Variants in NUCB2 observed in about 807,000 individuals in gnomAD.
NUCB2 encodes the protein nucleobindin-2.
NUCB2 carries 48 observed loss-of-function variants against 57.9 expected under a neutral mutation model. That is an observed-to-expected ratio of 0.83 (90% CI 0.66 to 1.05). NUCB2 has a LOEUF of 1.05. NUCB2 is among the 50% of genes least tolerant of loss of function. NUCB2 has a pLI of 0.00. For synonymous variants in NUCB2, 139 were observed against 152.1 expected (o/e 0.91, Z 0.64); for missense variants, 442 against 476.2 (o/e 0.93, Z 0.67).
chr11:17,291,664 C>T lies in NUCB2; in HGVS notation c.1-3660C>T. Among the ~76,000 whole-genome samples the T allele has an allele frequency of 1.3e-5, 2 of 150,532 alleles. 1 individual carries two copies. Among genetic ancestry groups the T allele is most frequent in the Non-Finnish European group, 2.9e-5 (2 of 67,810 alleles). ...TTCTTGCAAAAGTTAAAAATAAATC[C>T]AGCTTGAATGAAATGTAAGTCTGAC... On this transcript the variant is annotated intron_variant, in intron 2 of 13. Coordinates refer to ENST00000529010, the MANE Select transcript of NUCB2 (RefSeq NM_005013.4).
At chr11:17,343,958 AT>A (rs770313241) in intron 2 of NUCB2, among the ~76,000 whole-genome samples, 114 of 152,158 alleles carry the variant, frequency 7.5e-4, no homozygotes, top group Non-Finnish European at 1.3e-3. Context: ...TTCAAGGTTG[AT>A]TTTTTGGGGA....
chr11:17,348,382 T>C (rs1952942366), intron 2 of NUCB2, among the ~76,000 whole-genome samples: 1 of 132,546 alleles, frequency 7.5e-6, no homozygotes, highest in Admixed American at 8.8e-5. Flanking sequence ...TCACCCAGGC[T>C]GGAGTGCAGT....
intron 5 of NUCB2, among the ~76,000 whole-genome samples, chr11:17,304,585 T>A (rs1410359585): frequency 6.6e-6 from 1 of 152,204 alleles, no homozygotes; most frequent in East Asian, 1.9e-4. Flanking sequence ...GATGATATGA[T>A]GTTTATATAT....
At chr11:17,334,927 A>T (rs1354292486), downstream of NUCB2, among the ~76,000 whole-genome samples, 1 of 151,462 alleles carries the variant, frequency 6.6e-6, no homozygotes, top group Non-Finnish European at 1.5e-5. Context: ...TCACAAGTTT[A>T]CATTGTTTCA....
At position 17,303,480 on chromosome 11, in the gene NUCB2, CA is replaced by C. The variant is rs577383062; in HGVS notation, c.379+1613del. Reference sequence around the variant, plus strand: ...ATGTATCAAAAAAAAGTCATAAAGTCAAAGGACAAATGATAAATTGGAATAA... The same window carrying C: ...ATGTATCAAAAAAAAGTCATAAAGTCAAGGACAAATGATAAATTGGAATAA... On this transcript the variant is annotated intron_variant, in intron 5 of 13. Coordinates refer to ENST00000529010, the MANE Select transcript of NUCB2 (RefSeq NM_005013.4). 1.9e-3 allele frequency among the ~76,000 whole-genome samples: 294 copies of C among 152,078 alleles called. 1 individual carries two copies. Among genetic ancestry groups the C allele is most frequent in the Admixed American group, 3.2e-3 (49 of 15,278 alleles).
chr11:17,341,216 CT>C (rs1235653881), intron 2 of NUCB2, among the ~76,000 whole-genome samples: 7 of 152,128 alleles, frequency 4.6e-5, no homozygotes, highest in Non-Finnish European at 7.3e-5. Context: ...AGATTTTGGG[CT>C]GAGACAGTGG....
intron 2 of NUCB2, among the ~76,000 whole-genome samples, chr11:17,345,058 G>A (rs1247133675): frequency 1.3e-5 from 2 of 152,180 alleles, no homozygotes; most frequent in Non-Finnish European, 2.9e-5. Context: ...AATGCTGTCT[G>A]TGTACCAATT....
chr11:17,315,180 A>G (rs1949055354), intron 10 of NUCB2, among the ~76,000 whole-genome samples: 1 of 152,228 alleles, frequency 6.6e-6, no homozygotes, highest in Non-Finnish European at 1.5e-5. Context: ...TTTGAATTAT[A>G]TAGAAGAGAA....
rs1288615369 is a variant in NUCB2 at position 17,330,485 on chromosome 11, A to G, written c.1173+188A>G. Among the ~76,000 whole-genome samples the G allele has an allele frequency of 1.3e-5, 2 of 152,070 alleles. No homozygotes were observed. The highest frequency in any genetic ancestry group is 2.1e-4 in the South Asian group (1 of 4,832). On this transcript the variant is annotated intron_variant, in intron 12 of 13. Transcript: ENST00000529010. The surrounding 1 kb of genome is among the most constrained non-coding windows in gnomAD (Gnocchi z 4.3). ...TCTAAATTTTATTTTATTTCATTTTATTTTATTTTGAGACAGCCTGTCTCC... is the reference window on the plus strand; with the variant it reads ...TCTAAATTTTATTTTATTTCATTTTGTTTTATTTTGAGACAGCCTGTCTCC...
At chr11:17,288,730 T>A (rs1944272471) in intron 2 of NUCB2, among the ~76,000 whole-genome samples, 2 of 149,902 alleles carry the variant, frequency 1.3e-5, no homozygotes, top group Admixed American at 1.3e-4. Flanking sequence ...AATTTTCATA[T>A]TTTTAGTAGA....
At position 17,301,802 on chromosome 11, in the gene NUCB2, A is replaced by G; in HGVS notation, c.311A>G (p.Asp104Gly). Reference sequence around the variant, plus strand: ...AGTCACCATGTGAGGACAAAACTTGATGAACTGAAAAGGCAAGAAGTAGGA... The same window carrying G: ...AGTCACCATGTGAGGACAAAACTTGGTGAACTGAAAAGGCAAGAAGTAGGA... The part of the protein sequence containing the change: ...LVSHHVRTKL[D>G]ELKRQEVGRL... Residue 104 changes from aspartate to glycine, a missense_variant, in exon 5 of 14, where the codon GAT (aspartate) becomes GGT (glycine). Physicochemically the swap from Asp to Gly is moderately conservative, Grantham distance 94. Coordinates refer to ENST00000529010, the MANE Select transcript of NUCB2 (RefSeq NM_005013.4). 1 of 1,612,360 alleles carries G rather than the reference A, an allele frequency of 6.2e-7. No individual in the cohort carries two copies. Among genetic ancestry groups the G allele is most frequent in the Non-Finnish European group, 8.5e-7 (1 of 1,178,362 alleles).
intron 2 of NUCB2, among the ~76,000 whole-genome samples, chr11:17,287,672 CAAAA>C (rs1158145912): frequency 3.1e-5 from 2 of 65,390 alleles, no homozygotes; most frequent in Non-Finnish European, 3.6e-5. Context: ...AACTCCACCT[CAAAA>C]AAAAAAAAAA....
chr11:17,340,803 G>C (rs1316242281), intron 2 of NUCB2, among the ~76,000 whole-genome samples: 1 of 152,118 alleles, frequency 6.6e-6, no homozygotes, highest in Non-Finnish European at 1.5e-5. Flanking sequence ...TTGGCAATGT[G>C]GGCTCTTTTT....
At chr11:17,323,785 G>A (rs771457012) in intron 11 of NUCB2, among the ~76,000 whole-genome samples, 6 of 151,972 alleles carry the variant, frequency 3.9e-5, no homozygotes, top group African/African-American at 7.2e-5. Context: ...GATTTCTTCC[G>A]AATTCAATCT....
chr11:17,295,579 T>C, intron 3 of NUCB2, 112 bp downstream of exon 3: 1 of 816,138 alleles, frequency 1.2e-6, no homozygotes, highest in East Asian at 2.6e-5. Flanking sequence ...ATGAGAGGAA[T>C]TATAACAAAA....
At chr11:17,309,771 T>G (rs1023986992) in intron 6 of NUCB2, 96 bp downstream of exon 6, 1 of 734,072 alleles carries the variant, frequency 1.4e-6, no homozygotes, top group East Asian at 2.8e-5. Flanking sequence ...AACTTTTATA[T>G]ATTCTGTAGA....
intron 11 of NUCB2, among the ~76,000 whole-genome samples, chr11:17,324,587 C>A (rs185696977): frequency 6.6e-6 from 1 of 152,106 alleles, no homozygotes; most frequent in East Asian, 1.9e-4. Context: ...GTGCATGCCA[C>A]CACGCCCAGC....
At chr11:17,342,649 C>G (rs1401716895) in intron 2 of NUCB2, among the ~76,000 whole-genome samples, 3 of 149,862 alleles carry the variant, frequency 2.0e-5, no homozygotes, top group African/African-American at 4.9e-5. Context: ...ATCCTGAGTT[C>G]TAGTTTGATT....
intron 2 of NUCB2, among the ~76,000 whole-genome samples, chr11:17,347,971 C>A (rs1591663284): frequency 6.6e-6 from 1 of 152,238 alleles, no homozygotes; most frequent in East Asian, 1.9e-4. Context: ...AATTTTATGT[C>A]TTTTGAATCT....
Sources: allele counts gnomAD v4.1 joint callset (sites outside exome capture counted in the v4.1 genomes callset), GRCh38; gene constraint gnomAD v4.1.1; non-coding constraint Gnocchi (gnomAD v3.1); transcripts MANE v1.5; gene names NCBI Gene and HGNC (gene_info 2026-07-23, HGNC 2026-07-21).